Variants in FBXW7 observed in about 807,000 individuals in gnomAD.
FBXW7 encodes F-box and WD repeat domain containing 7.
In FBXW7, 11 loss-of-function variants were observed where a neutral mutation model predicts 86.3. The observed-to-expected ratio is 0.13, with a 90% CI of 0.08 to 0.21. FBXW7 has a LOEUF of 0.21. Ranked by LOEUF, FBXW7 falls within the 10% of genes least tolerant of loss-of-function variation. The pLI is 1.00. For missense variants in FBXW7, 488 were observed against 847.4 expected (o/e 0.58, Z 5.27); for synonymous variants, 313 against 297.9 (o/e 1.05, Z -0.52).
At chr4:152,473,373 C>G (rs1158646004) in intron 2 of FBXW7, among the ~76,000 whole-genome samples, 2 of 152,146 alleles carry the variant, frequency 1.3e-5, no homozygotes, top group Admixed American at 1.3e-4. Context: ...CAAAAGCAAC[C>G]AGATAGCCAA....
chr4:152,355,181 G>A (rs757003035), intron 4 of FBXW7, among the ~76,000 whole-genome samples: 4 of 152,010 alleles, frequency 2.6e-5, no homozygotes, highest in Admixed American at 2.6e-4. Flanking sequence ...ATCTTAATAT[G>A]AACAAAGCAA....
intron 4 of FBXW7, among the ~76,000 whole-genome samples, chr4:152,361,596 T>C (rs557837896): frequency 6.6e-6 from 1 of 152,316 alleles, no homozygotes; most frequent in East Asian, 1.9e-4. Context: ...AAATATTTTA[T>C]TTACAGATTC....
chr4:152,485,253 C>T (rs1255661585), intron 2 of FBXW7, among the ~76,000 whole-genome samples: 3 of 151,952 alleles, frequency 2.0e-5, no homozygotes, highest in Non-Finnish European at 4.4e-5. Context: ...AGTAAATAGG[C>T]TTAACCTTCC....
intron 4 of FBXW7, among the ~76,000 whole-genome samples, chr4:152,387,542 C>A (rs895212029): frequency 7.2e-6 from 1 of 139,718 alleles, no homozygotes; most frequent in South Asian, 2.4e-4. Context: ...GGAAAACAAT[C>A]ATAAATCAAT....
intron 2 of FBXW7, among the ~76,000 whole-genome samples, chr4:152,453,403 C>T (rs1742091591): frequency 6.6e-6 from 1 of 152,170 alleles, no homozygotes; most frequent in South Asian, 2.1e-4. Context: ...TTCTACAACT[C>T]TGGTTCATTC....
At chr4:152,396,922 C>T (rs1037407259) in intron 4 of FBXW7, among the ~76,000 whole-genome samples, 16 of 151,774 alleles carry the variant, frequency 1.1e-4, no homozygotes, top group African/African-American at 3.9e-4. Flanking sequence ...ACTAACATCT[C>T]GGTAAAATTT....
chr4:152,329,717 A>G lies in FBXW7; in HGVS notation c.1191T>C (p.Gly397=). 1 of 1,589,534 alleles carries G rather than the reference A, an allele frequency of 6.3e-7. No homozygotes were observed. Among genetic ancestry groups the G allele is most frequent in the Non-Finnish European group, 8.5e-7 (1 of 1,169,652 alleles). ...AAACTTTTAAAGTGTTGTCATCAGA[A>G]CCACTAACTATTCGGTTACCACAAA... The part of the protein sequence containing the change: ...LQFCGNRIVS[G]SDDNTLKVWS... The change falls in exon 10 of 14, where the codon GGT becomes GGC. Residue 397 remains glycine, a synonymous_variant. Transcript: ENST00000281708.
chr4:152,402,536 C>T (rs746488212), intron 4 of FBXW7, among the ~76,000 whole-genome samples: 14 of 152,250 alleles, frequency 9.2e-5, no homozygotes, highest in Admixed American at 3.3e-4. Context: ...AACTGAATTT[C>T]CAAACGTTAA....
chr4:152,347,736 AT>A (rs1208802850), intron 5 of FBXW7, among the ~76,000 whole-genome samples: 1 of 152,124 alleles, frequency 6.6e-6, no homozygotes, highest in African/African-American at 2.4e-5. Context: ...TTTTTATACA[AT>A]AATTTAAATT....
intron 2 of FBXW7, among the ~76,000 whole-genome samples, chr4:152,459,273 T>C (rs1268384406): frequency 6.6e-6 from 1 of 152,182 alleles, no homozygotes; most frequent in Non-Finnish European, 1.5e-5. Context: ...TTCAAAACCA[T>C]CAGCACTTCA....
intron 2 of FBXW7, among the ~76,000 whole-genome samples, chr4:152,515,003 G>A (rs536810855): frequency 3.3e-5 from 5 of 152,194 alleles, no homozygotes; most frequent in Non-Finnish European, 1.5e-5. Context: ...TAGAAATATG[G>A]ATGAGGGAGC....
chr4:152,485,227 T>C (rs544450822), intron 2 of FBXW7, among the ~76,000 whole-genome samples: 1 of 152,158 alleles, frequency 6.6e-6, no homozygotes, highest in Non-Finnish European at 1.5e-5. Context: ...TTAAACATAC[T>C]AGTTATGTCA....
chr4:152,458,944 C>T (rs1370017397), intron 2 of FBXW7, among the ~76,000 whole-genome samples: 2 of 152,190 alleles, frequency 1.3e-5, no homozygotes, highest in Admixed American at 6.5e-5. Flanking sequence ...TATAGCACAA[C>T]TGAAAGCAAA....
At chr4:152,416,376 C>A (rs1323661253) in intron 2 of FBXW7, among the ~76,000 whole-genome samples, 1 of 152,134 alleles carries the variant, frequency 6.6e-6, no homozygotes, top group Non-Finnish European at 1.5e-5. Flanking sequence ...AATATCTTAA[C>A]ACACATTTGT....
chr4:152,451,587 A>T lies in FBXW7; in HGVS notation c.-119-39058T>A, dbSNP rs559928948. ...GACTGCTTGAGCCCAGGAGTATGAG[A>T]GCAGCCTGGGCAACATGGTAAACCC... is the stretch of plus-strand genomic sequence containing the variant. On this transcript the variant is annotated intron_variant, in intron 2 of 13. Coordinates refer to ENST00000281708, the MANE Select transcript of FBXW7 (RefSeq NM_001349798.2). 7.2e-5 allele frequency: 11 copies of T among 151,836 alleles called. No homozygotes were observed. The South Asian group carries it at 2.3e-3, about 32-fold the overall frequency. 9.4% of individuals were successfully genotyped at this position (151,836 alleles called of 1,614,324 possible).
intron 2 of FBXW7, among the ~76,000 whole-genome samples, chr4:152,511,458 T>TA (rs1747971096): frequency 6.6e-6 from 1 of 152,170 alleles, no homozygotes; most frequent in Non-Finnish European, 1.5e-5. Context: ...CCTTTATGCT[T>TA]AAAAATATGG....
intron 2 of FBXW7, among the ~76,000 whole-genome samples, chr4:152,415,478 T>A (rs1738343599): frequency 6.6e-6 from 1 of 152,100 alleles, no homozygotes; most frequent in South Asian, 2.1e-4. Flanking sequence ...GTTTAGGATT[T>A]TCACTGAATT....
chr4:152,505,773 AC>A (rs1247796972), intron 2 of FBXW7, among the ~76,000 whole-genome samples: 1 of 147,600 alleles, frequency 6.8e-6, no homozygotes, highest in Non-Finnish European at 1.5e-5. Context: ...GTAGAGTCTC[AC>A]TCTGTCACCA....
chr4:152,488,913 A>T (rs1221475598), intron 2 of FBXW7, among the ~76,000 whole-genome samples: 1 of 152,098 alleles, frequency 6.6e-6, no homozygotes, highest in East Asian at 1.9e-4. Context: ...CCTGCCCTCA[A>T]GCAACTCAAT....
Sources: allele counts gnomAD v4.1 joint callset (sites outside exome capture counted in the v4.1 genomes callset), GRCh38; gene constraint gnomAD v4.1.1; transcripts MANE v1.5; gene names NCBI Gene and HGNC (gene_info 2026-07-23, HGNC 2026-07-21).